Variants in SLC49A3 observed in about 807,000 individuals in gnomAD.
SLC49A3 encodes solute carrier family 49 member 3, also known as solute carrier family 49 member A3.
SLC49A3 carries 50 observed loss-of-function variants against 43.8 expected under a neutral mutation model. The ratio of observed to expected loss-of-function variants is 1.14; its 90% confidence interval spans 0.91 to 1.45. SLC49A3 has a LOEUF of 1.45. Ranked by LOEUF, SLC49A3 falls within the 40% of genes most tolerant of loss-of-function variation. The pLI, the probability that SLC49A3 is intolerant of heterozygous loss-of-function variation, is 0.00. For missense variants in SLC49A3, 906 were observed against 774.1 expected (o/e 1.17, Z -2.02); for synonymous variants, 413 against 352.0 (o/e 1.17, Z -1.94).
chr4:682,697 A>G (rs1181305346), intron 9 of SLC49A3, 84 bp downstream of exon 9: 9 of 1,137,480 alleles, frequency 7.9e-6, no homozygotes, highest in African/African-American at 1.6e-5. Flanking sequence ...CTCCCCACGT[A>G]GGGTTCACCT....
downstream of SLC49A3, among the ~76,000 whole-genome samples, chr4:681,564 G>A (rs1229699082): frequency 6.1e-5 from 8 of 130,370 alleles, no homozygotes; most frequent in Non-Finnish European, 9.5e-5. Context: ...GGCCGAGCCC[G>A]ACACGTGCGC....
At chr4:678,541 CCAGCCCGAAGGGCTGAGGTCCA>C, downstream of SLC49A3, 1 of 1,470,106 alleles carries the variant, frequency 6.8e-7, no homozygotes, top group Non-Finnish European at 9.0e-7. Context: ...CTGGCCCCCT[CCAGCCCGAAGGGCTGAGGTCCA>C]CCCTTCATCT....
At chr4:682,712 C>T (rs1034786933) in intron 9 of SLC49A3, 69 bp downstream of exon 9, 66 of 1,315,884 alleles carry the variant, frequency 5.0e-5, no homozygotes, top group East Asian at 4.4e-4. Context: ...TCACCTGTCC[C>T]GCTCCCAGGG....
downstream of SLC49A3, chr4:676,948 C>A: frequency 4.1e-6 from 4 of 985,144 alleles, no homozygotes; most frequent in Non-Finnish European, 3.6e-6. Context: ...CAGGGGACGC[C>A]AACTGTGACC....
downstream of SLC49A3, among the ~76,000 whole-genome samples, chr4:681,384 AGCGTCTGTCCCAGCCGGAG>A (rs1390423101): frequency 6.6e-6 from 1 of 151,584 alleles, no homozygotes; most frequent in Non-Finnish European, 1.5e-5. Context: ...CCGCGGCCTG[AGCGTCTGTCCCAGCCGGAG>A]GGGCGGGGCT....
In SLC49A3 at chr4:682,819, G is replaced by C. The variant is rs1269008449; in HGVS notation, c.1223C>G (p.Ser408Cys). 3.7e-6 allele frequency: 6 copies of C among 1,602,946 alleles called. No homozygotes were observed. The highest frequency in any genetic ancestry group is 5.1e-6 in the Non-Finnish European group (6 of 1,173,492). Residue 408 changes from serine to cysteine, a missense_variant, in exon 9 of 10, where the codon TCC becomes TGC. Coordinates refer to ENST00000322224, the MANE Select transcript of SLC49A3 (RefSeq NM_032219.4). Reference protein sequence around the residue: ...LTVRRSEPSLSTCQQGEDPLD... With the variant: ...LTVRRSEPSLCTCQQGEDPLD... ...TGGATCCTCCCCCTGCTGGCAGGTGGACAAGGACGGCTCCGAGCGTCGCAC... is the reference window on the plus strand; with the variant it reads ...TGGATCCTCCCCCTGCTGGCAGGTGCACAAGGACGGCTCCGAGCGTCGCAC...
downstream of SLC49A3, chr4:678,843 G>C: frequency 1.2e-6 from 2 of 1,607,568 alleles, no homozygotes; most frequent in Non-Finnish European, 1.7e-6. Context: ...GCTGGCTCCA[G>C]GGCCAGCAGG....
chr4:679,271 G>GCCCTGAAGCTGCGAGGGGA, downstream of SLC49A3: 1 of 631,766 alleles, frequency 1.6e-6, no homozygotes, highest in Non-Finnish European at 2.8e-6. Flanking sequence ...GAAACTCAGA[G>GCCCTGAAGCTGCGAGGGGA]TGGGCTTTGA....
upstream of SLC49A3, among the ~76,000 whole-genome samples, chr4:690,788 C>T (rs1392680102): frequency 2.0e-5 from 3 of 152,250 alleles, no homozygotes; most frequent in Non-Finnish European, 4.4e-5. Context: ...GGCTCCTCCT[C>T]CCTACATGTC....
downstream of SLC49A3, among the ~76,000 whole-genome samples, chr4:681,628 C>G (rs1348757692): frequency 3.2e-5 from 3 of 94,826 alleles, no homozygotes; most frequent in Admixed American, 3.1e-4. Context: ...CCGCCCCGCC[C>G]CCTCCAGCGC....
chr4:690,019 C>G (rs756168904), upstream of SLC49A3, among the ~76,000 whole-genome samples: 4 of 152,224 alleles, frequency 2.6e-5, no homozygotes, highest in Non-Finnish European at 5.9e-5. Context: ...GGGAGGCTCT[C>G]TTGACCCTTG....
Position 685,993 on chromosome 4 carries a change from C to T in SLC49A3, c.509-82G>A, listed in dbSNP as rs1304335176. The T allele has an allele frequency of 3.7e-6, 6 of 1,608,168 alleles. No individual in the cohort carries two copies. The highest frequency in any genetic ancestry group is 5.1e-6 in the Non-Finnish European group (6 of 1,177,192). The stretch of plus-strand genomic sequence containing the variant: ...CCCACAGGCAGAACCTTCCGGGCCC[C>T]AGCTCCTCCACCCTGGCCAGAGAGC... On this transcript the variant is annotated intron_variant, in intron 3 of 9. Transcript: ENST00000322224. The surrounding 1 kb of genome is among the most constrained non-coding windows in gnomAD (Gnocchi z 4.3).
upstream of SLC49A3, among the ~76,000 whole-genome samples, chr4:690,949 G>T (rs2109478258): frequency 6.6e-6 from 1 of 152,308 alleles, no homozygotes; most frequent in Admixed American, 6.5e-5. Context: ...TAAATACTTT[G>T]GTATAAACTT....
At chr4:679,148 C>T, downstream of SLC49A3, 1 of 733,438 alleles carries the variant, frequency 1.4e-6, no homozygotes, top group South Asian at 2.0e-5. Flanking sequence ...GCCTCAGAGG[C>T]CCACCAACGG....
downstream of SLC49A3, chr4:678,837 G>C (rs991185576): frequency 6.2e-6 from 10 of 1,606,876 alleles, no homozygotes; most frequent in African/African-American, 1.1e-4. Context: ...ATGTGGGCTG[G>C]CTCCAGGGCC....
chr4:677,917 T>G, downstream of SLC49A3: 4 of 1,580,980 alleles, frequency 2.5e-6, no homozygotes, highest in Non-Finnish European at 3.5e-6. Context: ...AGCCTGTCCT[T>G]GTAGGGAGTG....
chr4:683,494 AG>A, intron 7 of SLC49A3, 114 bp downstream of exon 7: 1 of 1,495,512 alleles, frequency 6.7e-7, no homozygotes, highest in Non-Finnish European at 9.0e-7. Context: ...TGGCTGGCAG[AG>A]GCTGGGCATG....
rs921672474 is a variant in SLC49A3, at chr4:686,402, G to A, written c.295-100C>T. ...CTGGACCTCCCACTGCCGCCACCTCGACGGCTCTGCCGGGGTCCCCAGCTG... is the reference window on the plus strand; with the variant it reads ...CTGGACCTCCCACTGCCGCCACCTCAACGGCTCTGCCGGGGTCCCCAGCTG... On this transcript the variant is annotated intron_variant, in intron 2 of 9. Transcript: ENST00000322224. The A allele has an allele frequency of 3.4e-5, 53 of 1,569,974 alleles. No individual in the cohort carries two copies. In the African/African-American group the frequency reaches 3.8e-4, roughly 11 times the overall value.
At chr4:683,848 C>A (rs1467495595) in intron 6 of SLC49A3, 87 bp from the exon 7 acceptor site, 2 of 1,445,776 alleles carry the variant, frequency 1.4e-6, no homozygotes, top group East Asian at 2.5e-5. Context: ...CAGTGTAGGG[C>A]CGTGTGCTGT....
Sources: gnomAD v4.1 joint callset for allele counts (sites outside exome capture counted in the v4.1 genomes callset) on GRCh38, gnomAD v4.1.1 for gene constraint, Gnocchi (gnomAD v3.1) non-coding constraint, MANE v1.5 for transcripts, NCBI Gene and HGNC (gene_info 2026-07-23, HGNC 2026-07-21) for gene names.